TRPM2: variants seen among roughly 807,000 people sequenced by gnomAD.
TRPM2 encodes estrogen-responsive element-associated gene 1 protein.
In TRPM2, 161 loss-of-function variants were observed where a neutral mutation model predicts 174.0. The ratio of observed to expected loss-of-function variants is 0.93; its 90% CI spans 0.81 to 1.05. The LOEUF (loss-of-function observed/expected upper bound fraction) is 1.05, where lower values mean the gene tolerates loss of function less well. TRPM2 is among the 50% of genes least tolerant of loss of function. The pLI is 0.00. For synonymous variants in TRPM2, 954 were observed against 861.3 expected, an observed-to-expected ratio of 1.11 and a Z score of -1.88; for missense variants, 2,057 against 2,038.0, an observed-to-expected ratio of 1.01 and a Z score of -0.18.
rs143857097 is a variant in TRPM2 at position 44,433,264 on chromosome 21, C to T, written c.3975-1867C>T. On this transcript the variant is annotated intron_variant, in intron 27 of 31. Transcript: ENST00000397928. ...GACAGCAGGGCCCTGGGGCCCAGAG[C>T]TTCCTGTGGGGGTGGACTCATGCCA... Among the ~76,000 whole-genome samples the T allele has an allele frequency of 3.5e-3, 539 of 152,382 alleles. 1 individual carries two copies. Among genetic ancestry groups the T allele is most frequent in the African/African-American group, 0.012 (503 of 41,588 alleles).
intron 23 of TRPM2, among the ~76,000 whole-genome samples, chr21:44,424,541 C>A (rs1200854843): frequency 6.6e-6 from 1 of 152,238 alleles, no homozygotes; most frequent in Non-Finnish European, 1.5e-5. Context: ...CCTGACTGTG[C>A]CTTCATGCTG....
At chr21:44,406,807 G>T in intron 19 of TRPM2, 42 bp downstream of exon 19, 1 of 1,563,278 alleles carries the variant, frequency 6.4e-7, no homozygotes. Context: ...GTGCTGCCGG[G>T]AAGCAGGAGA....
At position 44,414,059 on chromosome 21, in the gene TRPM2, TCATCG is replaced by T. The variant is rs1569088515; in HGVS notation, c.3133_3137del (p.Ile1045HisfsTer23). Reference sequence around the variant, plus strand: ...ACCAACATCCTGCTGCTCAACCTCCTCATCGCCATGTTCAAGTGAGCGCCTGGGTG... The same window carrying T: ...ACCAACATCCTGCTGCTCAACCTCCTCCATGTTCAAGTGAGCGCCTGGGTG... On this transcript the variant is annotated frameshift_variant, in exon 20 of 32. Coordinates refer to ENST00000397928, the MANE Select transcript of TRPM2 (RefSeq NM_003307.4). LOFTEE classifies it high-confidence loss of function. The T allele has an allele frequency of 1.9e-6, 3 of 1,597,308 alleles. No homozygotes were observed. Among genetic ancestry groups the T allele is most frequent in the East Asian group, 4.6e-5 (2 of 43,822 alleles).
rs910169158 is a variant in TRPM2 at position 44,366,981 on chromosome 21, G to A, written c.604+47G>A. The A allele has an allele frequency of 3.3e-6, 5 of 1,530,952 alleles. No homozygotes were observed. In the African/African-American group the frequency reaches 4.1e-5, roughly 13 times the overall value. 94.8% of individuals were successfully genotyped at this position (1,530,952 alleles called of 1,614,324 possible). A position where few individuals can be genotyped will look rare whatever the true frequency, so the allele number is the denominator to read the frequency against. ...CACGAGGCCCCGGCGGGTGGGGTGGGCTGTGGAGGCAGTGCTGGGGCAATC... is the reference window on the plus strand; with the variant it reads ...CACGAGGCCCCGGCGGGTGGGGTGGACTGTGGAGGCAGTGCTGGGGCAATC... On this transcript the variant is annotated intron_variant, in intron 4 of 31. Transcript: ENST00000397928. This position sits in a 1 kb window ranked among gnomAD's most constrained non-coding sequence, Gnocchi z 6.0.
At chr21:44,425,920 G>T (rs1013181621) in intron 25 of TRPM2, 93 bp downstream of exon 25, 32 of 1,357,564 alleles carry the variant, frequency 2.4e-5, no homozygotes, top group Non-Finnish European at 3.0e-5. Context: ...ATTAATCCTG[G>T]CTCCCAGCCA....
intron 16 of TRPM2, 146 bp downstream of exon 16, chr21:44,402,043 A>C: frequency 2.6e-5 from 24 of 915,358 alleles, no homozygotes; most frequent in Non-Finnish European, 3.7e-5. Context: ...CCTCCCCAAA[A>C]TGGGTGGCTG....
intron 18 of TRPM2, 127 bp from the exon 19 acceptor site, chr21:44,406,467 G>A (rs991432861): frequency 1.7e-6 from 2 of 1,191,610 alleles, no homozygotes; most frequent in African/African-American, 3.1e-5. Context: ...CTGCTCCTGG[G>A]AGCCTCCTGC....
chr21:44,407,900 A>T (rs2049959759), intron 19 of TRPM2, among the ~76,000 whole-genome samples: 1 of 151,316 alleles, frequency 6.6e-6, no homozygotes, highest in South Asian at 2.1e-4. Context: ...TTAATTTTTT[A>T]ATTAAAAAAT....
rs1184749195 is a variant in TRPM2 at position 44,366,259 on chromosome 21, AGG to A, written c.424-492_424-491del. Among the ~76,000 whole-genome samples, 229 of 75,890 alleles carry A rather than the reference AGG, an allele frequency of 3.0e-3. No individual in the cohort carries two copies. The highest frequency in any genetic ancestry group is 0.014 in the African/African-American group (217 of 15,556). 49.8% of individuals were successfully genotyped at this position (75,890 alleles called of 152,430 possible). On this transcript the variant is annotated intron_variant, in intron 3 of 31. Transcript: ENST00000397928. The surrounding 1 kb of genome is among the most constrained non-coding windows in gnomAD (Gnocchi z 6.0). ...CCACAGAGCAGAGGGGATAGGGCAGAGGGGACAGGAGAGGGGACAGGAGAGGG... is the reference window on the plus strand; with the variant it reads ...CCACAGAGCAGAGGGGATAGGGCAGAGGACAGGAGAGGGGACAGGAGAGGG...
intron 27 of TRPM2, among the ~76,000 whole-genome samples, chr21:44,433,789 G>A (rs1261370962): frequency 6.6e-6 from 1 of 152,076 alleles, no homozygotes; most frequent in Non-Finnish European, 1.5e-5. Flanking sequence ...CTGGCCAGGT[G>A]GGCCCTACAC....
In TRPM2 at chr21:44,401,828, T is replaced by C. The variant is rs775941067; in HGVS notation, c.2469T>C (p.Pro823=). Residue 823 remains proline, a synonymous_variant, in exon 16 of 32, where the codon CCT becomes CCC. Coordinates refer to ENST00000397928, the MANE Select transcript of TRPM2 (RefSeq NM_003307.4). The part of the protein sequence containing the change: ...FAYVLMVDFQ[P]VPSWCECAIY... ...ACGTGCTCATGGTGGACTTCCAGCC[T>C]GTGCCCTCCTGGTGCGAGTGTGCCA... 1 of 1,613,938 alleles carries C rather than the reference T, an allele frequency of 6.2e-7. No homozygotes were observed. The highest frequency in any genetic ancestry group is 1.7e-5 in the Admixed American group (1 of 60,020).
intron 28 of TRPM2, among the ~76,000 whole-genome samples, chr21:44,436,648 G>A (rs985172932): frequency 8.9e-6 from 1 of 111,902 alleles, no homozygotes; most frequent in African/African-American, 3.6e-5. Context: ...GGTGGCCCTC[G>A]GCACCCCACA....
intron 12 of TRPM2, among the ~76,000 whole-genome samples, chr21:44,397,115 T>G (rs984225579): frequency 6.6e-6 from 1 of 151,592 alleles, no homozygotes; most frequent in Non-Finnish European, 1.5e-5. Context: ...CTCGGCTCAC[T>G]GCAACCTCTG....
At chr21:44,353,977 TG>T in intron 1 of TRPM2, 112 bp downstream of exon 1, 15 of 1,311,400 alleles carry the variant, frequency 1.1e-5, no homozygotes, top group East Asian at 2.9e-5. Context: ...CTGCTGACCT[TG>T]GGGGCTCCTG....
chr21:44,382,890 A>C, intron 9 of TRPM2, 70 bp downstream of exon 9: 1 of 1,383,578 alleles, frequency 7.2e-7, no homozygotes, highest in Non-Finnish European at 1.0e-6. Flanking sequence ...GCCAAGTTCT[A>C]GTCTTGAAGT....
intron 9 of TRPM2, among the ~76,000 whole-genome samples, chr21:44,388,729 G>A (rs868127753): frequency 3.3e-5 from 5 of 151,964 alleles, no homozygotes; most frequent in Admixed American, 6.6e-5. Context: ...GCTGAGGTGG[G>A]AGGATTGCTT....
At chr21:44,372,582 G>A (rs570641149) in intron 5 of TRPM2, among the ~76,000 whole-genome samples, 49 of 152,352 alleles carry the variant, frequency 3.2e-4, no homozygotes, top group Non-Finnish European at 6.0e-4. Flanking sequence ...AAGACTCTGG[G>A]TCTGATCCAT....
At chr21:44,436,966 C>G in intron 28 of TRPM2, 96 bp from the exon 29 acceptor site, 1 of 1,093,992 alleles carries the variant, frequency 9.1e-7, no homozygotes. Flanking sequence ...GTGGGCCTGA[C>G]ACTGCCCCGC....
In TRPM2 at chr21:44,367,489, A is replaced by T. The variant is rs2048395189; in HGVS notation, c.604+555A>T. On this transcript the variant is annotated intron_variant, in intron 4 of 31. Coordinates refer to ENST00000397928, the MANE Select transcript of TRPM2 (RefSeq NM_003307.4). This position sits in a 1 kb window ranked among gnomAD's most constrained non-coding sequence, Gnocchi z 4.6. ...TCAAATCACCTCCCAAGGTTGCACC[A>T]CTGGTGAGAGCCAGGCAGGGACCCA... Among the ~76,000 whole-genome samples, 1 of 152,176 alleles carries T rather than the reference A, an allele frequency of 6.6e-6. No individual in the cohort carries two copies. The highest frequency in any genetic ancestry group is 2.1e-4 in the South Asian group (1 of 4,824).
Sources: gnomAD v4.1 joint callset for allele counts (sites outside exome capture counted in the v4.1 genomes callset) on GRCh38, gnomAD v4.1.1 for gene constraint, Gnocchi (gnomAD v3.1) non-coding constraint, MANE v1.5 for transcripts, NCBI Gene and HGNC (gene_info 2026-07-23, HGNC 2026-07-21) for gene names.